The following HIKESHI variants were observed in gnomAD, a reference collection of about 807,000 sequenced individuals.
HIKESHI encodes the protein heat shock protein nuclear import factor hikeshi.
A neutral mutation model predicts 25.7 loss-of-function variants in HIKESHI; 13 were observed. The ratio of observed to expected loss-of-function variants is 0.51; its 90% CI spans 0.33 to 0.80. The LOEUF (loss-of-function observed/expected upper bound fraction) is 0.80. Among genes scored for constraint, HIKESHI ranks in the 30% least tolerant of loss-of-function variants. The pLI is 0.02. For missense variants in HIKESHI, 174 were observed against 229.5 expected (o/e 0.76, Z 1.56); for synonymous variants, 76 against 78.7 (o/e 0.97, Z 0.18).
chr11:86,309,352 C>CT (rs1443034271), intron 2 of HIKESHI, among the ~76,000 whole-genome samples: 1 of 152,178 alleles, frequency 6.6e-6, no homozygotes, highest in Non-Finnish European at 1.5e-5. Context: ...TGTCTGTTGG[C>CT]TACATACATG....
At chr11:86,313,794 G>A (rs1946897758) in intron 2 of HIKESHI, among the ~76,000 whole-genome samples, 1 of 152,202 alleles carries the variant, frequency 6.6e-6, no homozygotes, top group Admixed American at 6.5e-5. Context: ...TCGTAAGTGG[G>A]TTGGGGAAGC....
At chr11:86,328,433 TG>T (rs137878538) in intron 2 of HIKESHI, among the ~76,000 whole-genome samples, 23 of 147,852 alleles carry the variant, frequency 1.6e-4, no homozygotes, top group South Asian at 4.3e-4. Context: ...TAATGTTTTT[TG>T]TTTTTTTTTT....
At chr11:86,333,942 T>C (rs1211757943) in intron 2 of HIKESHI, among the ~76,000 whole-genome samples, 4 of 149,182 alleles carry the variant, frequency 2.7e-5, no homozygotes, top group African/African-American at 2.5e-5. Context: ...ATTATGGCAA[T>C]GTAGATGCCA....
intron 2 of HIKESHI, among the ~76,000 whole-genome samples, chr11:86,322,835 A>G (rs563997813): frequency 6.6e-6 from 1 of 152,348 alleles, no homozygotes; most frequent in Non-Finnish European, 1.5e-5. Context: ...AGTGGTTCCA[A>G]CATTGGTTGA....
intron 2 of HIKESHI, among the ~76,000 whole-genome samples, chr11:86,311,193 A>G (rs539264644): frequency 6.6e-6 from 1 of 152,050 alleles, no homozygotes; most frequent in Non-Finnish European, 1.5e-5. Flanking sequence ...GTGGTCCTGG[A>G]CTTTTTTTGC....
chr11:86,338,920 TTAAAA>T (rs765932288), intron 3 of HIKESHI, among the ~76,000 whole-genome samples: 1 of 152,240 alleles, frequency 6.6e-6, no homozygotes, highest in African/African-American at 2.4e-5. Context: ...ATTTGAGTTT[TTAAAA>T]TAAAACTATA....
At chr11:86,343,014 A>C (rs1258918444) in intron 3 of HIKESHI, among the ~76,000 whole-genome samples, 1 of 152,164 alleles carries the variant, frequency 6.6e-6, no homozygotes, top group Non-Finnish European at 1.5e-5. Context: ...ATATGGGTTT[A>C]ATTTGGGGAG....
At chr11:86,318,921 G>C (rs1223920705) in intron 2 of HIKESHI, among the ~76,000 whole-genome samples, 1 of 151,912 alleles carries the variant, frequency 6.6e-6, no homozygotes, top group Non-Finnish European at 1.5e-5. Context: ...ATAATTTTTT[G>C]TTTGTTTGTT....
At chr11:86,325,558 T>G (rs1330840141) in intron 2 of HIKESHI, among the ~76,000 whole-genome samples, 1 of 151,652 alleles carries the variant, frequency 6.6e-6, no homozygotes, top group Admixed American at 6.6e-5. Context: ...ACATGGGATA[T>G]GAAATCCTAA....
chr11:86,327,912 A>G (rs1947324023), intron 2 of HIKESHI, among the ~76,000 whole-genome samples: 1 of 152,188 alleles, frequency 6.6e-6, no homozygotes, highest in South Asian at 2.1e-4. Flanking sequence ...AATGGCCTTT[A>G]AAACAAATGG....
At chr11:86,334,016 T>C (rs1430654706) in intron 2 of HIKESHI, among the ~76,000 whole-genome samples, 2 of 152,192 alleles carry the variant, frequency 1.3e-5, no homozygotes, top group Non-Finnish European at 2.9e-5. Context: ...TTATGAAATT[T>C]ATAAAATGGA....
intron 1 of HIKESHI, among the ~76,000 whole-genome samples, chr11:86,304,264 G>C (rs558940130): frequency 3.3e-5 from 5 of 152,102 alleles, no homozygotes; most frequent in Non-Finnish European, 7.4e-5. Context: ...TCGGTAGATA[G>C]GATATTATAG....
At chr11:86,333,801 T>C (rs531950220) in intron 2 of HIKESHI, among the ~76,000 whole-genome samples, 57 of 152,270 alleles carry the variant, frequency 3.7e-4, no homozygotes, top group African/African-American at 1.4e-3. Context: ...AATAATTGGC[T>C]TGATCATTCT....
At chr11:86,308,689 A>G (rs1946751776) in intron 2 of HIKESHI, among the ~76,000 whole-genome samples, 1 of 151,866 alleles carries the variant, frequency 6.6e-6, no homozygotes, top group Non-Finnish European at 1.5e-5. Context: ...CATTTACATT[A>G]GGTATATCTC....
chr11:86,304,660 C>T (rs1348296454), intron 1 of HIKESHI, among the ~76,000 whole-genome samples: 1 of 151,998 alleles, frequency 6.6e-6, no homozygotes, highest in African/African-American at 2.4e-5. Flanking sequence ...AGACTACAGG[C>T]ATGTGCCCCC....
At chr11:86,339,491 C>G (rs954988456) in intron 3 of HIKESHI, among the ~76,000 whole-genome samples, 2 of 152,152 alleles carry the variant, frequency 1.3e-5, no homozygotes, top group African/African-American at 2.4e-5. Flanking sequence ...TATATTTTGT[C>G]TTATTTGCCA....
At chr11:86,336,820 G>C (rs1178549918) in intron 2 of HIKESHI, among the ~76,000 whole-genome samples, 1 of 152,044 alleles carries the variant, frequency 6.6e-6, no homozygotes, top group Non-Finnish European at 1.5e-5. Context: ...AATGTTGAAA[G>C]CATCAAGAGA....
intron 3 of HIKESHI, among the ~76,000 whole-genome samples, chr11:86,339,010 A>G (rs1303741182): frequency 6.6e-6 from 1 of 152,210 alleles, no homozygotes; most frequent in Non-Finnish European, 1.5e-5. Flanking sequence ...ACAAATAGTT[A>G]TTATGTAACT....
intron 2 of HIKESHI, among the ~76,000 whole-genome samples, chr11:86,311,349 G>T (rs1946828828): frequency 6.6e-6 from 1 of 152,188 alleles, no homozygotes; most frequent in Non-Finnish European, 1.5e-5. Context: ...TATTTGCGTA[G>T]AGGTGTTTAT....
Sources: gnomAD v4.1 joint callset for allele counts (sites outside exome capture counted in the v4.1 genomes callset) on GRCh38, gnomAD v4.1.1 for gene constraint, MANE v1.5 for transcripts, NCBI Gene and HGNC (gene_info 2026-07-23, HGNC 2026-07-21) for gene names.